The following HP1BP3 variants were observed in gnomAD, a reference collection of about 807,000 sequenced individuals.
The protein encoded by HP1BP3 is heterochromatin protein 1-binding protein 3.
A neutral mutation model predicts 62.5 loss-of-function variants in HP1BP3; 12 were observed. The ratio of observed to expected loss-of-function variants is 0.19; its 90% CI spans 0.12 to 0.31. The LOEUF (loss-of-function observed/expected upper bound fraction) is 0.31. Ranked by LOEUF, HP1BP3 falls within the 10% of genes least tolerant of loss-of-function variation. The pLI is 1.00. For synonymous variants in HP1BP3, 260 were observed against 237.8 expected (o/e 1.09, Z -0.86); for missense variants, 502 against 651.8 (o/e 0.77, Z 2.50).
At chr1:20,755,097 CAA>C (rs2056019920) in intron 9 of HP1BP3, among the ~76,000 whole-genome samples, 2 of 152,096 alleles carry the variant, frequency 1.3e-5, no homozygotes, top group African/African-American at 4.8e-5. Flanking sequence ...TAAAAATGGG[CAA>C]AAGATTTGAA....
chr1:20,772,894 A>G (rs2057124416), intron 5 of HP1BP3, among the ~76,000 whole-genome samples: 4 of 152,386 alleles, frequency 2.6e-5, no homozygotes, highest in Admixed American at 2.0e-4. Context: ...TGTAAGGAGG[A>G]TAATTTTTGT....
chr1:20,764,422 C>T (rs1040229946), intron 8 of HP1BP3, among the ~76,000 whole-genome samples: 2 of 151,582 alleles, frequency 1.3e-5, no homozygotes, highest in Non-Finnish European at 2.9e-5. Flanking sequence ...CGGCTCACTG[C>T]GAACTCCACC....
At chr1:20,775,509 T>C (rs1217501109) in intron 4 of HP1BP3, 2 of 152,480 alleles carry the variant, frequency 1.3e-5, no homozygotes, top group African/African-American at 4.8e-5. Flanking sequence ...TTTTTAGTTT[T>C]AAAAGTTGCT....
rs767829701 is a variant in HP1BP3 at position 20,745,052 on chromosome 1, G to A, written c.1407C>T (p.Ala469=). Residue 469 remains alanine, a synonymous_variant, in exon 13 of 13, where the codon GCC becomes GCT. Coordinates refer to ENST00000438032, the MANE Select transcript of HP1BP3 (RefSeq NM_001372052.1). The stretch of plus-strand genomic sequence containing the variant: ...TGGACCCTCTCTGCTTCACAGATGC[G>A]GCCTTCCCTGGGGACTTGGCTGGGG... ...KKTPAKSPGK[A]ASVKQRGSKP... The A allele has an allele frequency of 9.3e-6, 15 of 1,613,072 alleles. No individual in the cohort carries two copies. The highest frequency in any genetic ancestry group is 6.7e-5 in the Admixed American group (4 of 59,832).
rs189178919 is a variant in HP1BP3, at chr1:20,758,688, C to G, written c.891-1432G>C. Among the ~76,000 whole-genome samples the G allele has an allele frequency of 2.7e-3, 383 of 143,884 alleles. 1 individual carries two copies. Among genetic ancestry groups the G allele is most frequent in the Non-Finnish European group, 4.5e-3 (302 of 66,496 alleles). 94.4% of individuals were successfully genotyped at this position (143,884 alleles called of 152,430 possible). A position where few individuals can be genotyped will look rare whatever the true frequency, so the allele number is the denominator to read the frequency against. On this transcript the variant is annotated intron_variant, in intron 8 of 12. Coordinates refer to ENST00000438032, the MANE Select transcript of HP1BP3 (RefSeq NM_001372052.1). ...TGAGAGAGGATCTCACTGTGTCACT[C>G]TGGATGGAGTGCAGTGGTATGACCA...
At chr1:20,779,722 A>AAC in intron 3 of HP1BP3, 90 bp downstream of exon 3, 6 of 830,860 alleles carry the variant, frequency 7.2e-6, no homozygotes, top group Admixed American at 6.2e-5. Context: ...AAAAAAAAAA[A>AAC]AAAACAATTA....
chr1:20,773,667 G>A (rs560460744), intron 4 of HP1BP3, 57 bp from the exon 5 acceptor site: 1 of 1,219,844 alleles, frequency 8.2e-7, no homozygotes, highest in Non-Finnish European at 1.1e-6. Context: ...GACGTATAAA[G>A]TCAGAAGGAG....
At chr1:20,770,580 G>A (rs2057012070) in intron 6 of HP1BP3, among the ~76,000 whole-genome samples, 1 of 152,136 alleles carries the variant, frequency 6.6e-6, no homozygotes, top group Non-Finnish European at 1.5e-5. Flanking sequence ...CTCCCAAGGT[G>A]CTGGGACTAC....
chr1:20,769,738 T>C (rs1475947969), intron 6 of HP1BP3, among the ~76,000 whole-genome samples: 1 of 152,080 alleles, frequency 6.6e-6, no homozygotes, highest in African/African-American at 2.4e-5. Context: ...AAATATCAGT[T>C]TTACATTTTG....
chr1:20,776,370 G>A, intron 4 of HP1BP3: 1 of 453,326 alleles, frequency 2.2e-6, no homozygotes, highest in East Asian at 3.5e-5. Flanking sequence ...CAAAGCCAAT[G>A]ACAAAGACTT....
intron 9 of HP1BP3, among the ~76,000 whole-genome samples, chr1:20,755,008 C>T (rs138534822): frequency 6.6e-6 from 1 of 152,206 alleles, no homozygotes; most frequent in African/African-American, 2.4e-5. Flanking sequence ...CTGAGAAAGT[C>T]ACAGAATAGG....
intron 1 of HP1BP3, among the ~76,000 whole-genome samples, chr1:20,784,792 C>G (rs879608450): frequency 2.6e-5 from 4 of 151,954 alleles, no homozygotes; most frequent in African/African-American, 4.8e-5. Flanking sequence ...TGTTTTTCAT[C>G]TTGGTTTTTA....
Position 20,745,084 on chromosome 1 carries a change from T to C in HP1BP3, c.1375A>G (p.Lys459Glu). The change falls in exon 13 of 13, where the codon AAG becomes GAG. Residue 459 changes from lysine to glutamate, a missense_variant. Lys to Glu is a moderately conservative substitution (Grantham distance 56). Coordinates refer to ENST00000438032, the MANE Select transcript of HP1BP3 (RefSeq NM_001372052.1). ...EEPPPKRRLQ[K>E]KTPAKSPGKA... is the part of the protein sequence containing the mutation. ...CCTGGGGACTTGGCTGGGGTTTTCT[T>C]CTGCAACCTGTGAGAACCAAAGAGC... The C allele has an allele frequency of 2.5e-6, 4 of 1,605,426 alleles. No homozygotes were observed. The highest frequency in any genetic ancestry group is 3.4e-6 in the Non-Finnish European group (4 of 1,177,214).
Position 20,747,608 on chromosome 1 carries a change from T to A in HP1BP3, c.1189A>T (p.Met397Leu). 1 of 1,613,558 alleles carries A rather than the reference T, an allele frequency of 6.2e-7. No homozygotes were observed. Among genetic ancestry groups the A allele is most frequent in the Non-Finnish European group, 8.5e-7 (1 of 1,179,842 alleles). Reference sequence around the variant, plus strand: ...AACCCTTTCCCAGAGATCTGTTCCATCCACCCATTCTTTTCGCATTTCTGC... The same window carrying A: ...AACCCTTTCCCAGAGATCTGTTCCAACCACCCATTCTTTTCGCATTTCTGC... ...TLQKCEKNGW[M>L]EQISGKGFSG... The change falls in exon 11 of 13, where the codon ATG becomes TTG. Residue 397 changes from methionine (M) to leucine (L), a missense_variant. Transcript: ENST00000438032.
rs142706609 is a variant in HP1BP3 at position 20,760,798 on chromosome 1, T to C, written c.891-3542A>G. Among the ~76,000 whole-genome samples, 783 of 152,240 alleles carry C rather than the reference T, an allele frequency of 5.1e-3. 7 individuals carry two copies. Among genetic ancestry groups the C allele is most frequent in the African/African-American group, 0.018 (753 of 41,564 alleles). On this transcript the variant is annotated intron_variant, in intron 8 of 12. Transcript: ENST00000438032. ...TTGCAGTGAGCCGAGATCATGCCAC[T>C]GCACTCCAGCCTGGGCAACAGAACA...
intron 5 of HP1BP3, 128 bp downstream of exon 5, chr1:20,773,323 C>A: frequency 1.6e-6 from 1 of 609,014 alleles, no homozygotes. Flanking sequence ...TAATGACTTT[C>A]CTCTCTTTAA....
intron 6 of HP1BP3, among the ~76,000 whole-genome samples, chr1:20,767,971 G>T (rs2056868827): frequency 6.6e-6 from 1 of 151,948 alleles, no homozygotes; most frequent in South Asian, 2.1e-4. Flanking sequence ...CTTTCAAAAT[G>T]AAATAAAAAA....
chr1:20,779,159 G>A (rs1331167083), intron 3 of HP1BP3, among the ~76,000 whole-genome samples: 2 of 151,934 alleles, frequency 1.3e-5, no homozygotes, highest in African/African-American at 2.4e-5. Flanking sequence ...AGCACAGTGT[G>A]CTTATCCCTG....
In HP1BP3 at chr1:20,744,190, T is replaced by C. The variant is rs1407781509; in HGVS notation, c.*607A>G. ...CCTAGAAATTGATCAATATGAAATGTAGCCCAAAGGAGTCATATATCTTCA... is the reference window on the plus strand; with the variant it reads ...CCTAGAAATTGATCAATATGAAATGCAGCCCAAAGGAGTCATATATCTTCA... On this transcript the variant is annotated 3_prime_UTR_variant, in exon 13 of 13. Transcript: ENST00000438032. 2.0e-5 allele frequency: 3 copies of C among 152,680 alleles called. No homozygotes were observed. Among genetic ancestry groups the C allele is most frequent in the East Asian group, 3.8e-4 (2 of 5,202 alleles). The allele number at this position is 152,680 out of a possible 1,614,324, so 9.5% of individuals were successfully genotyped here.
Sources: allele counts gnomAD v4.1 joint callset (sites outside exome capture counted in the v4.1 genomes callset), GRCh38; gene constraint gnomAD v4.1.1; transcripts MANE v1.5; gene names NCBI Gene and HGNC (gene_info 2026-07-23, HGNC 2026-07-21).